Variants in HAUS6 observed in about 807,000 individuals in gnomAD.
HAUS6 encodes the protein HAUS augmin-like complex subunit 6.
In HAUS6, 80 loss-of-function variants were observed where a neutral mutation model predicts 106.8. That is an observed-to-expected ratio of 0.75 (90% CI 0.63 to 0.90). The LOEUF is 0.90. Ranked by LOEUF, HAUS6 falls within the 40% of genes least tolerant of loss-of-function variation. The probability of loss-of-function intolerance (pLI) is 0.00; values close to 1 mark genes in which losing one functional copy is unlikely to be tolerated. For missense variants in HAUS6, 1,155 were observed against 1,118.1 expected (o/e 1.03, Z -0.47); for synonymous variants, 356 against 379.1 (o/e 0.94, Z 0.71).
intron 9 of HAUS6, among the ~76,000 whole-genome samples, chr9:19,080,276 T>C (rs1837112149): frequency 6.6e-6 from 1 of 152,112 alleles, no homozygotes; most frequent in South Asian, 2.1e-4. Flanking sequence ...AAAAAATTAT[T>C]CAGGGCAAAT....
intron 7 of HAUS6, among the ~76,000 whole-genome samples, chr9:19,086,503 C>T (rs1266613753): frequency 1.3e-5 from 2 of 151,784 alleles, no homozygotes; most frequent in Non-Finnish European, 2.9e-5. Context: ...GCTTGTAATC[C>T]CAGCTACTTA....
At chr9:19,097,085 G>C (rs533070684) in intron 1 of HAUS6, among the ~76,000 whole-genome samples, 2 of 152,230 alleles carry the variant, frequency 1.3e-5, no homozygotes, top group South Asian at 4.1e-4. Context: ...TACATTTACT[G>C]AATAACAATA....
intron 5 of HAUS6, 142 bp downstream of exon 5, chr9:19,089,266 AAAAG>A (rs1817694802): frequency 2.2e-3 from 1,264 of 587,374 alleles, no homozygotes; most frequent in Middle Eastern, 4.5e-3. Context: ...GGGAAAAAAA[AAAAG>A]AAGAAGAAGT....
At chr9:19,085,791 A>G (rs1837276279) in intron 7 of HAUS6, among the ~76,000 whole-genome samples, 2 of 152,100 alleles carry the variant, frequency 1.3e-5, no homozygotes, top group African/African-American at 4.8e-5. Context: ...CATTTTATTT[A>G]GATAAATTAA....
rs781139001 is a variant in HAUS6 at position 19,078,161 on chromosome 9, G to C, written c.1191+15C>G. 1.9e-6 allele frequency: 3 copies of C among 1,587,314 alleles called. No homozygotes were observed. The highest frequency in any genetic ancestry group is 2.6e-6 in the Non-Finnish European group (3 of 1,167,456). The stretch of plus-strand genomic sequence containing the variant: ...TGGGTGGCGGGGAGGGCAGGGGCAA[G>C]TCAACATTACTTACTGGAGTCCAAC... On this transcript the variant is annotated intron_variant, in intron 10 of 16. Coordinates refer to ENST00000380502, the MANE Select transcript of HAUS6 (RefSeq NM_017645.5).
At position 19,102,784 on chromosome 9, in the gene HAUS6, C is replaced by G; in HGVS notation, c.-133G>C. On this transcript the variant is annotated 5_prime_UTR_variant, in exon 1 of 17. Transcript: ENST00000380502. ...CCATTGCCAACGCCTGCTCCTTTCA[C>G]GCCCAGAGCGATTTCGCCTCAAAGG... 1.2e-6 allele frequency: 1 copy of G among 814,798 alleles called. No homozygotes were observed. The highest frequency in any genetic ancestry group is 3.2e-5 in the Admixed American group (1 of 31,122). 50.5% of individuals were successfully genotyped at this position (814,798 alleles called of 1,614,324 possible).
chr9:19,098,739 G>C (rs1817918011), intron 1 of HAUS6, among the ~76,000 whole-genome samples: 1 of 150,572 alleles, frequency 6.6e-6, no homozygotes, highest in African/African-American at 2.4e-5. Flanking sequence ...TAAAAAAAGT[G>C]GAGCCGGGCC....
chr9:19,066,802 T>C (rs1836768501), intron 12 of HAUS6, among the ~76,000 whole-genome samples: 1 of 126,908 alleles, frequency 7.9e-6, no homozygotes, highest in African/African-American at 3.2e-5. Context: ...GAGACCAGCC[T>C]GGGCAACATA....
chr9:19,089,071 C>A (rs548300090), intron 5 of HAUS6, among the ~76,000 whole-genome samples: 1 of 152,098 alleles, frequency 6.6e-6, no homozygotes, highest in African/African-American at 2.4e-5. Flanking sequence ...GGTGAAACCC[C>A]GTCTCTATTA....
At chr9:19,086,348 C>T (rs907938096) in intron 7 of HAUS6, among the ~76,000 whole-genome samples, 1 of 151,244 alleles carries the variant, frequency 6.6e-6, no homozygotes. Context: ...AGGCTGGGCG[C>T]GGTGGCTCAT....
intron 16 of HAUS6, chr9:19,057,748 C>T: frequency 2.4e-6 from 1 of 417,278 alleles, no homozygotes; most frequent in Non-Finnish European, 4.2e-6. Context: ...CTTTTTTTTC[C>T]CACCCCTGTC....
At chr9:19,078,361 A>C in intron 9 of HAUS6, 59 bp from the exon 10 acceptor site, 1 of 970,644 alleles carries the variant, frequency 1.0e-6, no homozygotes, top group Non-Finnish European at 1.6e-6. Flanking sequence ...ACTGAGTAAA[A>C]TTTAAGAAAA....
intron 4 of HAUS6, among the ~76,000 whole-genome samples, chr9:19,091,604 C>T (rs981712374): frequency 3.3e-5 from 5 of 151,974 alleles, no homozygotes; most frequent in Non-Finnish European, 5.9e-5. Context: ...TACTTGAGAC[C>T]AGGAGTTCGA....
At chr9:19,077,872 G>C (rs540563133) in intron 10 of HAUS6, among the ~76,000 whole-genome samples, 81 of 152,168 alleles carry the variant, frequency 5.3e-4, no homozygotes, top group African/African-American at 1.9e-3. Flanking sequence ...ACCAGCCTTG[G>C]CAATATAGGG....
chr9:19,062,609 C>A lies in HAUS6; in HGVS notation c.1629+399G>T, dbSNP rs560467290. ...TTTATCCCATATTACCCGAGGTAAT[C>A]AATAATTAACTGTATTTCGCTTAGG... On this transcript the variant is annotated intron_variant, in intron 14 of 16. Coordinates refer to ENST00000380502, the MANE Select transcript of HAUS6 (RefSeq NM_017645.5). 6.6e-5 allele frequency among the ~76,000 whole-genome samples: 10 copies of A among 152,224 alleles called. No individual in the cohort carries two copies. In the East Asian group the frequency reaches 1.9e-3, roughly 29 times the overall value.
At chr9:19,079,981 C>G (rs1837102838) in intron 9 of HAUS6, among the ~76,000 whole-genome samples, 1 of 151,438 alleles carries the variant, frequency 6.6e-6, no homozygotes, top group Admixed American at 6.6e-5. Context: ...TCGAGACCAG[C>G]CTGACCAACA....
intron 2 of HAUS6, among the ~76,000 whole-genome samples, chr9:19,094,778 C>G (rs1025802825): frequency 2.6e-4 from 40 of 151,726 alleles, no homozygotes; most frequent in African/African-American, 8.5e-4. Flanking sequence ...GTGACCCTGT[C>G]TCAAAAGAAA....
At chr9:19,080,705 A>AGG in intron 8 of HAUS6, 33 bp from the exon 9 acceptor site, 1 of 1,255,412 alleles carries the variant, frequency 8.0e-7, no homozygotes, top group East Asian at 2.3e-5. Context: ...AAATTGGTGA[A>AGG]CTATAGGTTG....
chr9:19,067,461 G>A (rs973431894), intron 12 of HAUS6, among the ~76,000 whole-genome samples: 1 of 151,940 alleles, frequency 6.6e-6, no homozygotes, highest in Non-Finnish European at 1.5e-5. Context: ...CTCACCACCA[G>A]GCCTTCCCCT....
Sources: gnomAD v4.1 joint callset for allele counts (sites outside exome capture counted in the v4.1 genomes callset) on GRCh38, gnomAD v4.1.1 for gene constraint, MANE v1.5 for transcripts, NCBI Gene and HGNC (gene_info 2026-07-23, HGNC 2026-07-21) for gene names.